Variants in USP45 observed in about 807,000 individuals in gnomAD.
USP45 encodes ubiquitin specific peptidase 45.
In USP45, 89 loss-of-function variants were observed where a neutral mutation model predicts 95.8. The observed-to-expected ratio is 0.93, with a 90% confidence interval of 0.78 to 1.11. The LOEUF (loss-of-function observed/expected upper bound fraction) is 1.11, where lower values mean the gene tolerates loss of function less well. Among genes scored for constraint, USP45 ranks in the 50% least tolerant of loss-of-function variants. The pLI, the probability that USP45 is intolerant of heterozygous loss-of-function variation, is 0.00. For missense variants in USP45, 898 were observed against 942.5 expected (o/e 0.95, Z 0.62); for synonymous variants, 281 against 316.2 (o/e 0.89, Z 1.18).
At chr6:99,457,988 C>A (rs1476445152) in intron 13 of USP45, among the ~76,000 whole-genome samples, 1 of 152,146 alleles carries the variant, frequency 6.6e-6, no homozygotes, top group Non-Finnish European at 1.5e-5. Context: ...CAGTGCGTAG[C>A]CCACAGTAAG....
In USP45 at chr6:99,445,868, C is replaced by A. The variant is rs777487458; in HGVS notation, c.1904G>T (p.Gly635Val). ...ATTCTCACATAGAAGCTTATTATTC[C>A]CCATTAGTAATTCCATAGATGTAAA... ...YQFTSMELLMGNNKLLCENCT... is the reference protein window; with the variant it reads ...YQFTSMELLMVNNKLLCENCT... Residue 635 changes from glycine (G) to valine (V), a missense_variant, in exon 14 of 18, where the codon GGG becomes GTG. Transcript: ENST00000500704. 4.3e-6 allele frequency: 7 copies of A among 1,609,970 alleles called. No individual in the cohort carries two copies. The South Asian group carries it at 7.8e-5, about 18-fold the overall frequency.
chr6:99,492,474 G>A (rs1366286676), intron 5 of USP45, among the ~76,000 whole-genome samples: 1 of 151,938 alleles, frequency 6.6e-6, no homozygotes, highest in African/African-American at 2.4e-5. Flanking sequence ...CTATCAAACA[G>A]ATAATTTAAC....
In USP45 at chr6:99,495,749, C is replaced by T. The variant is rs145094904; in HGVS notation, c.479-6929G>A. On this transcript the variant is annotated intron_variant, in intron 5 of 17. Transcript: ENST00000500704. ...AGTAAAAGCTGTATGTAATCCATTGCTGCACATGTTTTGTGTTTGGATTTA... is the reference window on the plus strand; with the variant it reads ...AGTAAAAGCTGTATGTAATCCATTGTTGCACATGTTTTGTGTTTGGATTTA... 7.3e-4 allele frequency among the ~76,000 whole-genome samples: 111 copies of T among 152,282 alleles called. 1 individual carries two copies. In the East Asian group the frequency reaches 0.021, roughly 29 times the overall value.
upstream of USP45, among the ~76,000 whole-genome samples, chr6:99,515,738 T>C (rs1024912007): frequency 2.7e-5 from 4 of 149,406 alleles, no homozygotes; most frequent in South Asian, 2.1e-4. Flanking sequence ...TGAAACAGCC[T>C]CCGATTTCCC....
intron 10 of USP45, among the ~76,000 whole-genome samples, chr6:99,467,781 T>A (rs1187459283): frequency 6.6e-6 from 1 of 152,006 alleles, no homozygotes. Context: ...AACCCTTAAT[T>A]ACAATAAAGT....
chr6:99,437,378 C>CT lies in USP45; in HGVS notation c.2181dup (p.Val728SerfsTer12). 1.2e-6 allele frequency: 2 copies of CT among 1,600,792 alleles called. No individual in the cohort carries two copies. The highest frequency in any genetic ancestry group is 1.7e-6 in the Non-Finnish European group (2 of 1,176,476). ...ACTATGCCATAGAGACCGTAGAGAACTTTATCTCCCACACTTGCATTCTTT... is the reference window on the plus strand; with the variant it reads ...ACTATGCCATAGAGACCGTAGAGAACTTTTATCTCCCACACTTGCATTCTTT... On this transcript the variant is annotated frameshift_variant, in exon 17 of 18. Coordinates refer to ENST00000500704, the MANE Select transcript of USP45 (RefSeq NM_001346022.3). LOFTEE classifies it high-confidence loss of function.
chr6:99,516,503 TG>T (rs1283589222), upstream of USP45, among the ~76,000 whole-genome samples: 1 of 152,210 alleles, frequency 6.6e-6, no homozygotes, highest in Non-Finnish European at 1.5e-5. Context: ...TATTTACATG[TG>T]GAGAACTTGG....
At chr6:99,473,113 A>C (rs1300620392) in intron 9 of USP45, among the ~76,000 whole-genome samples, 1 of 152,144 alleles carries the variant, frequency 6.6e-6, no homozygotes, top group Non-Finnish European at 1.5e-5. Context: ...AATACAACAT[A>C]TTCAAAATAA....
upstream of USP45, among the ~76,000 whole-genome samples, chr6:99,516,786 A>G (rs1289717184): frequency 6.6e-6 from 1 of 152,252 alleles, no homozygotes; most frequent in Non-Finnish European, 1.5e-5. Context: ...TTGGAAGAAC[A>G]AGAACAAGCA....
At chr6:99,516,213 A>T (rs1471020592), upstream of USP45, among the ~76,000 whole-genome samples, 1 of 152,206 alleles carries the variant, frequency 6.6e-6, no homozygotes, top group African/African-American at 2.4e-5. Flanking sequence ...CATTTCTTGA[A>T]ATACACCTAT....
At chr6:99,485,470 A>G (rs1487136195) in intron 7 of USP45, among the ~76,000 whole-genome samples, 2 of 152,344 alleles carry the variant, frequency 1.3e-5, no homozygotes, top group South Asian at 4.1e-4. Flanking sequence ...AAAATAATGT[A>G]TATAGTAAGA....
chr6:99,465,363 AAT>A (rs149966145), intron 11 of USP45, among the ~76,000 whole-genome samples: 115 of 152,328 alleles, frequency 7.5e-4, no homozygotes, highest in African/African-American at 2.5e-3. Flanking sequence ...TATTACTGTC[AAT>A]ATGACTGGCC....
intron 7 of USP45, 76 bp from the exon 8 acceptor site, chr6:99,482,959 T>C: frequency 1.6e-6 from 2 of 1,264,234 alleles, no homozygotes; most frequent in Non-Finnish European, 2.1e-6. Context: ...TGAGTTACAC[T>C]CTGCTTAAAT....
In USP45 at chr6:99,464,718, C is replaced by A. The variant is rs61753658; in HGVS notation, c.1194G>T (p.Met398Ile). 5 of 1,609,528 alleles carry A rather than the reference C, an allele frequency of 3.1e-6. No individual in the cohort carries two copies. The highest frequency in any genetic ancestry group is 4.2e-6 in the Non-Finnish European group (5 of 1,179,076). Reference protein sequence around the residue: ...RVSKPLLWGRMNKYRSLRETD... With the variant: ...RVSKPLLWGRINKYRSLRETD... Reference sequence around the variant, plus strand: ...TCTCCCGTAAACTTCTATATTTATTCATTCTTCCCCAAAGTAAAGGTTTTG... The same window carrying A: ...TCTCCCGTAAACTTCTATATTTATTAATTCTTCCCCAAAGTAAAGGTTTTG... Residue 398 changes from methionine to isoleucine, a missense_variant, in exon 13 of 18, where the codon ATG becomes ATT. Transcript: ENST00000500704.
chr6:99,495,573 C>G (rs55983889), intron 5 of USP45, among the ~76,000 whole-genome samples: 8,937 of 152,246 alleles, frequency 0.059, 327 homozygotes, highest in South Asian at 0.12. Context: ...AGGGAAGATT[C>G]AAACCCGGGC....
intron 12 of USP45, 75 bp downstream of exon 12, chr6:99,465,005 T>C: frequency 1.3e-5 from 16 of 1,261,946 alleles, no homozygotes; most frequent in Non-Finnish European, 1.8e-5. Context: ...TATCTGGTAA[T>C]ATACTCAACA....
In USP45 at chr6:99,508,648, T is replaced by A; in HGVS notation, c.235A>T (p.Thr79Ser). The change falls in exon 3 of 18, where the codon ACT becomes TCT. Residue 79 changes from threonine to serine, a missense_variant. Transcript: ENST00000500704. ...TTGAGGCACAACCAAATATCAGAAGTAAGTACTAGCTGCCCATCATAGAAT... is the reference window on the plus strand; with the variant it reads ...TTGAGGCACAACCAAATATCAGAAGAAAGTACTAGCTGCCCATCATAGAAT... The part of the protein sequence containing the change: ...RRFYDGQLVL[T>S]SDIWLCLKCG... The A allele has an allele frequency of 6.2e-7, 1 of 1,613,384 alleles. No individual in the cohort carries two copies. Among genetic ancestry groups the A allele is most frequent in the Non-Finnish European group, 8.5e-7 (1 of 1,179,758 alleles).
chr6:99,462,118 A>G (rs1188793529), intron 13 of USP45: 1 of 984,980 alleles, frequency 1.0e-6, no homozygotes, highest in East Asian at 1.1e-4. Flanking sequence ...TCCCATCAAA[A>G]CCAAAAAAAA....
chr6:99,498,455 CAA>C (rs962526993), intron 5 of USP45, among the ~76,000 whole-genome samples: 15 of 151,950 alleles, frequency 9.9e-5, no homozygotes, highest in African/African-American at 3.4e-4. Context: ...TATGAAACAT[CAA>C]AAAAGTGTGT....
Sources: allele counts gnomAD v4.1 joint callset (sites outside exome capture counted in the v4.1 genomes callset), GRCh38; gene constraint gnomAD v4.1.1; transcripts MANE v1.5; gene names NCBI Gene and HGNC (gene_info 2026-07-23, HGNC 2026-07-21).